C1QTNF3: variants seen among roughly 807,000 people sequenced by gnomAD.
The protein encoded by C1QTNF3 is C1q and TNF related 3.
In C1QTNF3, 26 loss-of-function variants were observed where a neutral mutation model predicts 32.6. That is an observed-to-expected ratio of 0.80 (90% confidence interval 0.58 to 1.11). The LOEUF (loss-of-function observed/expected upper bound fraction) is 1.11, where lower values mean the gene tolerates loss of function less well. Ranked by LOEUF, C1QTNF3 falls within the 50% of genes least tolerant of loss-of-function variation. C1QTNF3 has a pLI of 0.00. For synonymous variants in C1QTNF3, 155 were observed against 146.0 expected (o/e 1.06, Z -0.44); for missense variants, 362 against 398.2 (o/e 0.91, Z 0.77).
the C1QTNF3 span, among the ~76,000 whole-genome samples, chr5:34,234,749 G>T: frequency 6.6e-5 from 10 of 152,186 alleles, no homozygotes; most frequent in African/African-American, 1.9e-4. Flanking sequence ...TGTCCCTGTG[G>T]CTCATAGATT....
chr5:34,220,667 G>A, the C1QTNF3 span, among the ~76,000 whole-genome samples: 243 of 152,052 alleles, frequency 1.6e-3, no homozygotes, highest in African/African-American at 5.6e-3. Context: ...CACTTCTATC[G>A]TTGCTATCTA....
At chr5:34,035,034 A>G (rs1754700567) in intron 2 of C1QTNF3, among the ~76,000 whole-genome samples, 1 of 152,108 alleles carries the variant, frequency 6.6e-6, no homozygotes, top group Non-Finnish European at 1.5e-5. Flanking sequence ...AAAACCCAAG[A>G]TAGGCTTGGG....
chr5:34,220,695 T>C, the C1QTNF3 span, among the ~76,000 whole-genome samples: 1 of 152,120 alleles, frequency 6.6e-6, no homozygotes, highest in Non-Finnish European at 1.5e-5. Context: ...GAAATCTACT[T>C]AAACCAATAA....
In C1QTNF3 at chr5:34,019,984, G is replaced by C. The variant is rs142630237; in HGVS notation, c.*599C>G. 13 of 152,558 alleles carry C rather than the reference G, an allele frequency of 8.5e-5. No individual in the cohort carries two copies. Among genetic ancestry groups the C allele is most frequent in the African/African-American group, 2.6e-4 (11 of 41,546 alleles). 9.5% of individuals were successfully genotyped at this position (152,558 alleles called of 1,614,324 possible). A position where few individuals can be genotyped will look rare whatever the true frequency, so the allele number is the denominator to read the frequency against. On this transcript the variant is annotated 3_prime_UTR_variant, in exon 6 of 6. Coordinates refer to ENST00000382065, the MANE Select transcript of C1QTNF3 (RefSeq NM_181435.6). ...TACACAAAATTACAACCACATTACT[G>C]GTCAAGCACTTTATAGCTAAAATCT...
At chr5:34,126,963 C>CA in the C1QTNF3 span, among the ~76,000 whole-genome samples, 1 of 152,138 alleles carries the variant, frequency 6.6e-6, no homozygotes, top group Admixed American at 6.5e-5. Context: ...CTCATGAGAT[C>CA]TGATTATTTG....
the C1QTNF3 span, among the ~76,000 whole-genome samples, chr5:34,142,053 C>A: frequency 6.6e-6 from 1 of 152,146 alleles, no homozygotes; most frequent in Admixed American, 6.5e-5. Flanking sequence ...TCCCCCTTGA[C>A]AGGGCCAGTT....
chr5:34,231,512 T>C, the C1QTNF3 span, among the ~76,000 whole-genome samples: 1 of 152,232 alleles, frequency 6.6e-6, no homozygotes. Context: ...TTGGTTAGTA[T>C]GTCTCTTTAA....
the C1QTNF3 span, among the ~76,000 whole-genome samples, chr5:34,061,984 T>C: frequency 2.6e-5 from 4 of 152,258 alleles, no homozygotes; most frequent in Non-Finnish European, 5.9e-5. Flanking sequence ...TTTTATGCTC[T>C]GCTTCTCTTG....
At chr5:34,156,949 T>C in the C1QTNF3 span, among the ~76,000 whole-genome samples, 1 of 152,212 alleles carries the variant, frequency 6.6e-6, no homozygotes, top group Non-Finnish European at 1.5e-5. Flanking sequence ...CAGAAAGTGG[T>C]AATGGTGAAA....
upstream of C1QTNF3, among the ~76,000 whole-genome samples, chr5:34,048,110 T>C (rs893408724): frequency 6.6e-6 from 1 of 152,212 alleles, no homozygotes; most frequent in African/African-American, 2.4e-5. Flanking sequence ...GTACAAAAAC[T>C]ATCATCTTAA....
the C1QTNF3 span, among the ~76,000 whole-genome samples, chr5:34,085,537 C>G: frequency 6.6e-6 from 1 of 151,564 alleles, no homozygotes; most frequent in East Asian, 1.9e-4. Context: ...GTACCAGTAC[C>G]ATGCTGTTTT....
At chr5:34,198,046 C>T in the C1QTNF3 span, among the ~76,000 whole-genome samples, 1 of 137,748 alleles carries the variant, frequency 7.3e-6, no homozygotes, top group Non-Finnish European at 1.5e-5. Context: ...CCAGCCTGGC[C>T]AGTATGGTGA....
chr5:34,032,958 T>G (rs1754651719), intron 3 of C1QTNF3: 1 of 211,346 alleles, frequency 4.7e-6, no homozygotes, highest in Admixed American at 5.5e-5. Context: ...TGTTTATACA[T>G]TCAAGTTGGC....
At chr5:34,122,727 T>C in the C1QTNF3 span, among the ~76,000 whole-genome samples, 6 of 151,866 alleles carry the variant, frequency 4.0e-5, no homozygotes, top group Admixed American at 2.6e-4. Context: ...GTTGGATAAG[T>C]AGATTAGTAT....
the C1QTNF3 span, among the ~76,000 whole-genome samples, chr5:34,140,210 A>T: frequency 6.6e-6 from 1 of 152,234 alleles, no homozygotes. Context: ...CAGAAGGAAG[A>T]ATTAGAATCT....
the C1QTNF3 span, chr5:34,158,110 T>TTC: frequency 6.7e-6 from 1 of 149,404 alleles, no homozygotes; most frequent in African/African-American, 2.5e-5. Context: ...GCTTTTCTTT[T>TTC]TTTTTTTTTT....
chr5:34,145,831 G>A, the C1QTNF3 span, among the ~76,000 whole-genome samples: 1 of 151,756 alleles, frequency 6.6e-6, no homozygotes, highest in Non-Finnish European at 1.5e-5. Context: ...TTATTCCTGC[G>A]ATGCAAAGTT....
chr5:34,214,647 T>C, the C1QTNF3 span, among the ~76,000 whole-genome samples: 1 of 152,148 alleles, frequency 6.6e-6, no homozygotes, highest in Admixed American at 6.5e-5. Flanking sequence ...TATCTCTTTA[T>C]AGCAAAAACA....
the C1QTNF3 span, among the ~76,000 whole-genome samples, chr5:34,226,298 T>C: frequency 6.6e-6 from 1 of 151,950 alleles, no homozygotes; most frequent in Non-Finnish European, 1.5e-5. Flanking sequence ...GAGGGCTCTT[T>C]TATCGGCCAA....
Sources: gnomAD v4.1 joint callset for allele counts (sites outside exome capture counted in the v4.1 genomes callset) on GRCh38, gnomAD v4.1.1 for gene constraint, MANE v1.5 for transcripts, NCBI Gene and HGNC (gene_info 2026-07-23, HGNC 2026-07-21) for gene names.